LEPR: variants seen among roughly 807,000 people sequenced by gnomAD.
LEPR encodes OB receptor.
LEPR carries 56 observed loss-of-function variants against 114.7 expected under a neutral mutation model. The observed-to-expected ratio is 0.49, with a 90% CI of 0.39 to 0.61. The LOEUF (loss-of-function observed/expected upper bound fraction) is 0.61, where lower values mean the gene tolerates loss of function less well. LEPR is among the 20% of genes least tolerant of loss of function. The pLI, the probability that LEPR is intolerant of heterozygous loss-of-function variation, is 0.00. For missense variants in LEPR, 1,202 were observed against 1,352.9 expected (o/e 0.89, Z 1.75); for synonymous variants, 443 against 461.4 (o/e 0.96, Z 0.51).
rs1279910049 is a variant in LEPR, at chr1:65,437,976, T to G, written c.-21+12598T>G. ...GCACGGGCCACCGCAGCTGGCTAAGTTATTTATTTTTTGTAGAGATGAAGT... is the reference window on the plus strand; with the variant it reads ...GCACGGGCCACCGCAGCTGGCTAAGGTATTTATTTTTTGTAGAGATGAAGT... On this transcript the variant is annotated intron_variant, in intron 2 of 19. Transcript: ENST00000349533. Among the ~76,000 whole-genome samples the G allele has an allele frequency of 1.8e-4, 28 of 151,778 alleles. 1 individual carries two copies.
chr1:65,506,649 C>T (rs887911735), intron 2 of LEPR, among the ~76,000 whole-genome samples: 6 of 151,786 alleles, frequency 4.0e-5, no homozygotes, highest in African/African-American at 1.5e-4. Context: ...CCTCCAAATT[C>T]TAGTTTATTT....
At chr1:65,439,442 T>C (rs540825254) in intron 2 of LEPR, among the ~76,000 whole-genome samples, 1 of 152,196 alleles carries the variant, frequency 6.6e-6, no homozygotes, top group South Asian at 2.1e-4. Context: ...GCTGAGGAGA[T>C]ACAGGACAAA....
rs1041857648 is a variant in LEPR, at chr1:65,435,943, G to A, written c.-21+10565G>A. The A allele has an allele frequency of 3.0e-6, 3 of 985,164 alleles. No individual in the cohort carries two copies. The Admixed American group carries it at 1.8e-4, about 61-fold the overall frequency. The allele number at this position is 985,164 out of a possible 1,614,324, so 61.0% of individuals were successfully genotyped here. The stretch of plus-strand genomic sequence containing the variant: ...CTACCAGCGTACAACAGTGATACAT[G>A]TAACCCCAAATGTGATGTGAGAGGA... On this transcript the variant is annotated intron_variant, in intron 2 of 19. Transcript: ENST00000349533.
chr1:65,574,543 A>G (rs76510570), intron 5 of LEPR, among the ~76,000 whole-genome samples: 4 of 152,334 alleles, frequency 2.6e-5, no homozygotes, highest in Non-Finnish European at 2.9e-5. Context: ...AGAGGTTAAT[A>G]TGACAGATTT....
rs1291047261 is a variant in LEPR, at chr1:65,633,005, TC to T, written c.2674-3183del. On this transcript the variant is annotated intron_variant, in intron 19 of 19. Coordinates refer to ENST00000349533, the MANE Select transcript of LEPR (RefSeq NM_002303.6). The surrounding 1 kb of genome is among the most constrained non-coding windows in gnomAD (Gnocchi z 4.1). Reference sequence around the variant, plus strand: ...CACCTTAGTTCAAAATTTTGCCCTTTCCCAAAAGGATGCATTATTGTAACCT... The same window carrying T: ...CACCTTAGTTCAAAATTTTGCCCTTTCCAAAAGGATGCATTATTGTAACCT... 2 of 657,318 alleles carry T rather than the reference TC, an allele frequency of 3.0e-6. No homozygotes were observed. The highest frequency in any genetic ancestry group is 5.1e-6 in the Non-Finnish European group (2 of 391,046). 40.7% of individuals were successfully genotyped at this position (657,318 alleles called of 1,614,324 possible). A position where few individuals can be genotyped will look rare whatever the true frequency, so the allele number is the denominator to read the frequency against.
At chr1:65,554,630 C>A (rs1013215897) in intron 2 of LEPR, among the ~76,000 whole-genome samples, 7 of 152,154 alleles carry the variant, frequency 4.6e-5, no homozygotes, top group Non-Finnish European at 8.8e-5. Flanking sequence ...GCCAGTGGAT[C>A]TTAGCTTGCT....
chr1:65,525,581 G>A, intron 2 of LEPR: 2 of 966,850 alleles, frequency 2.1e-6, no homozygotes, highest in Non-Finnish European at 2.5e-6. Flanking sequence ...GCGCACGCGG[G>A]CGGCCACCCG....
chr1:65,484,559 G>T (rs1002420012), intron 2 of LEPR, among the ~76,000 whole-genome samples: 2 of 152,108 alleles, frequency 1.3e-5, no homozygotes, highest in Admixed American at 1.3e-4. Context: ...TTAACACTGA[G>T]ACTTGTCAAT....
chr1:65,543,425 G>A (rs1651393111), intron 2 of LEPR, among the ~76,000 whole-genome samples: 1 of 151,908 alleles, frequency 6.6e-6, no homozygotes, highest in Non-Finnish European at 1.5e-5. Flanking sequence ...CCTGTTCACT[G>A]TGATGATAGT....
intron 2 of LEPR, among the ~76,000 whole-genome samples, chr1:65,498,500 C>T (rs1036945319): frequency 6.6e-6 from 1 of 151,852 alleles, no homozygotes; most frequent in African/African-American, 2.4e-5. Context: ...ACATAATGAC[C>T]CAAGAATGAC....
intron 3 of LEPR, among the ~76,000 whole-genome samples, chr1:65,568,522 G>GTGTGTGCA (rs1240265686): frequency 6.6e-6 from 1 of 151,818 alleles, no homozygotes; most frequent in Admixed American, 6.6e-5. Context: ...GTGTGTGTGT[G>GTGTGTGCA]TGTGCATGTG....
intron 2 of LEPR, among the ~76,000 whole-genome samples, chr1:65,531,643 A>G (rs945052538): frequency 2.6e-5 from 4 of 152,074 alleles, no homozygotes; most frequent in African/African-American, 7.2e-5. Context: ...GAGGTGCTCA[A>G]TGCTTTTTTT....
At chr1:65,504,227 C>A (rs905678122) in intron 2 of LEPR, among the ~76,000 whole-genome samples, 1 of 152,146 alleles carries the variant, frequency 6.6e-6, no homozygotes, top group Non-Finnish European at 1.5e-5. Flanking sequence ...ATCTCCTGTG[C>A]AGGAGAATTT....
At chr1:65,431,191 A>G (rs1198816263) in intron 2 of LEPR, among the ~76,000 whole-genome samples, 1 of 152,222 alleles carries the variant, frequency 6.6e-6, no homozygotes, top group African/African-American at 2.4e-5. Context: ...TAAGCGCTGC[A>G]GTAAATATTT....
intron 2 of LEPR, among the ~76,000 whole-genome samples, chr1:65,501,486 C>T (rs572371994): frequency 1.4e-3 from 213 of 151,568 alleles, no homozygotes; most frequent in Middle Eastern, 3.4e-3. Context: ...TATAAGGACA[C>T]TGGTCATATT....
At chr1:65,469,246 T>A (rs1647053617) in intron 2 of LEPR, among the ~76,000 whole-genome samples, 1 of 151,850 alleles carries the variant, frequency 6.6e-6, no homozygotes, top group African/African-American at 2.4e-5. Context: ...AGTCAGTCTG[T>A]GTCCTGAGCT....
intron 5 of LEPR, among the ~76,000 whole-genome samples, chr1:65,582,276 A>G (rs900686836): frequency 6.6e-6 from 1 of 152,214 alleles, no homozygotes; most frequent in Non-Finnish European, 1.5e-5. Flanking sequence ...GGAAAGGAGT[A>G]TCTGCTTCAG....
chr1:65,632,389 C>T (rs1316560183), intron 19 of LEPR, among the ~76,000 whole-genome samples: 1 of 152,080 alleles, frequency 6.6e-6, no homozygotes, highest in Admixed American at 6.5e-5. Flanking sequence ...CCTTATAGCC[C>T]TCAGGTTATG....
rs576426135 is a variant in LEPR at position 65,431,874 on chromosome 1, C to T, written c.-21+6496C>T. ...TTTTCCTTACAATTCAAGGGTTTTT[C>T]CTTATATTTGGAAGAGGAGATGATT... On this transcript the variant is annotated intron_variant, in intron 2 of 19. Coordinates refer to ENST00000349533, the MANE Select transcript of LEPR (RefSeq NM_002303.6). 3.7e-5 allele frequency: 60 copies of T among 1,613,980 alleles called. No individual in the cohort carries two copies. The South Asian group carries it at 5.8e-4, about 16-fold the overall frequency.
Sources: allele counts gnomAD v4.1 joint callset (sites outside exome capture counted in the v4.1 genomes callset), GRCh38; gene constraint gnomAD v4.1.1; non-coding constraint Gnocchi (gnomAD v3.1); transcripts MANE v1.5; gene names NCBI Gene and HGNC (gene_info 2026-07-23, HGNC 2026-07-21).